The following KALRN variants were observed in gnomAD, a reference collection of about 807,000 sequenced individuals.
KALRN encodes the protein kalirin RhoGEF kinase.
A neutral mutation model predicts 353.7 loss-of-function variants in KALRN; 70 were observed. The observed-to-expected ratio is 0.20, with a 90% CI of 0.16 to 0.24. The LOEUF is 0.24. Ranked by LOEUF, KALRN falls within the 10% of genes least tolerant of loss-of-function variation. The pLI, the probability that KALRN is intolerant of heterozygous loss-of-function variation, is 1.00. For missense variants in KALRN, 2,791 were observed against 3,756.7 expected, an observed-to-expected ratio of 0.74 and a Z score of 6.72; for synonymous variants, 1,391 against 1,434.8, an observed-to-expected ratio of 0.97 and a Z score of 0.69.
At chr3:124,167,046 A>AAAT (rs752912509) in intron 1 of KALRN, among the ~76,000 whole-genome samples, 3 of 152,194 alleles carry the variant, frequency 2.0e-5, no homozygotes, top group South Asian at 2.1e-4. Flanking sequence ...CTCCATCTCA[A>AAAT]AATAATAATA....
In KALRN at chr3:124,490,886, T is replaced by G; in HGVS notation, c.4587+2T>G. 6.2e-7 allele frequency: 1 copy of G among 1,606,816 alleles called. No homozygotes were observed. The highest frequency in any genetic ancestry group is 1.1e-5 in the South Asian group (1 of 90,740). ...TATGTTTACAAGAACAAGCTACTGG[T>G]AGGTGGGGCAGGTGGGGTAAGACAA... On this transcript the variant is annotated splice_donor_variant, in intron 30 of 59. Transcript: ENST00000682506. LOFTEE classifies it high-confidence loss of function.
intron 1 of KALRN, among the ~76,000 whole-genome samples, chr3:124,122,264 T>G (rs1393257540): frequency 6.6e-6 from 1 of 152,112 alleles, no homozygotes. Flanking sequence ...GCTGTGATTG[T>G]GTCCTTCAGC....
chr3:124,335,251 A>C (rs372208657), intron 9 of KALRN, among the ~76,000 whole-genome samples: 2 of 152,084 alleles, frequency 1.3e-5, no homozygotes, highest in Non-Finnish European at 2.9e-5. Flanking sequence ...GAGTACAGGA[A>C]ACTTCAGAGG....
rs151206195 is a variant in KALRN at position 124,490,566 on chromosome 3, G to C, written c.4397-128G>C. ...TTCAGCAGTCTCTGGAGTTAGCAGAGAGAAAAAAACCCTTCAGTAACTGAA... is the reference window on the plus strand; with the variant it reads ...TTCAGCAGTCTCTGGAGTTAGCAGACAGAAAAAAACCCTTCAGTAACTGAA... On this transcript the variant is annotated intron_variant, in intron 29 of 59. Coordinates refer to ENST00000682506, the MANE Select transcript of KALRN (RefSeq NM_001388419.1). 10 of 758,744 alleles carry C rather than the reference G, an allele frequency of 1.3e-5. No homozygotes were observed. The African/African-American group carries it at 1.6e-4, about 12-fold the overall frequency. 47.0% of individuals were successfully genotyped at this position (758,744 alleles called of 1,614,324 possible). A position where few individuals can be genotyped will look rare whatever the true frequency, so the allele number is the denominator to read the frequency against.
At chr3:124,440,830 T>C (rs1032709871) in intron 18 of KALRN, among the ~76,000 whole-genome samples, 1 of 151,904 alleles carries the variant, frequency 6.6e-6, no homozygotes, top group African/African-American at 2.4e-5. Flanking sequence ...AAACCTGCTT[T>C]GTAGAGAAAT....
At position 124,490,836 on chromosome 3, in the gene KALRN, C is replaced by T. The variant is rs763289747; in HGVS notation, c.4539C>T (p.Ile1513=). Residue 1513 remains isoleucine (I), a synonymous_variant, in exon 30 of 60, where the codon ATC becomes ATT. Transcript: ENST00000682506. ...TCTCCTTGGTTTTTAGCAAGGAGAT[C>T]AAAGATTCTTCAGGACACACGAAAT... is the stretch of plus-strand genomic sequence containing the variant. ...FEISLVFSKE[I]KDSSGHTKYV... is the part of the protein sequence containing the mutation. 7.4e-6 allele frequency: 12 copies of T among 1,613,866 alleles called. No individual in the cohort carries two copies. Among genetic ancestry groups the T allele is most frequent in the Non-Finnish European group, 9.3e-6 (11 of 1,179,956 alleles).
intron 1 of KALRN, among the ~76,000 whole-genome samples, chr3:124,166,556 T>C (rs2070883171): frequency 6.6e-6 from 1 of 152,206 alleles, no homozygotes; most frequent in Non-Finnish European, 1.5e-5. Flanking sequence ...ATTATGTCTC[T>C]CCCTAACTTA....
chr3:124,450,925 CTT>C (rs1005680089), intron 21 of KALRN, among the ~76,000 whole-genome samples: 7 of 151,912 alleles, frequency 4.6e-5, no homozygotes, highest in African/African-American at 7.3e-5. Context: ...AATTTTGGTT[CTT>C]TTATGTATAA....
intron 27 of KALRN, 52 bp downstream of exon 27, chr3:124,477,386 C>A (rs745472638): frequency 2.5e-5 from 33 of 1,336,412 alleles, no homozygotes; most frequent in Non-Finnish European, 3.3e-5. Context: ...GGAAATGCTT[C>A]TCTGCTTTGG....
intron 10 of KALRN, among the ~76,000 whole-genome samples, chr3:124,368,208 C>A: frequency 7.4e-6 from 1 of 134,732 alleles, no homozygotes; most frequent in Non-Finnish European, 1.6e-5. Flanking sequence ...CCACACCTCC[C>A]TCCCGGACAG....
chr3:124,547,231 C>A (rs1411879554), intron 33 of KALRN, among the ~76,000 whole-genome samples: 2 of 152,136 alleles, frequency 1.3e-5, no homozygotes, highest in Non-Finnish European at 2.9e-5. Flanking sequence ...AACTTCTGGC[C>A]TCAAGCTATC....
In KALRN at chr3:124,235,815, A is replaced by G. The variant is rs560436284; in HGVS notation, c.263+872A>G. ...ATAAGAAATGGTTCTTTGGGCTTTC[A>G]AAACCTTCGTCTTGTCTCTGTGCAT... On this transcript the variant is annotated intron_variant, in intron 3 of 59. Transcript: ENST00000682506. 9.2e-5 allele frequency among the ~76,000 whole-genome samples: 14 copies of G among 152,350 alleles called. No homozygotes were observed. The South Asian group carries it at 2.5e-3, about 27-fold the overall frequency.
chr3:124,558,917 C>T (rs2071596456), intron 33 of KALRN, among the ~76,000 whole-genome samples: 1 of 152,246 alleles, frequency 6.6e-6, no homozygotes, highest in South Asian at 2.1e-4. Context: ...GGGAAACCAT[C>T]ACAGAATAAC....
intron 34 of KALRN, among the ~76,000 whole-genome samples, chr3:124,631,173 C>T (rs2080742578): frequency 6.6e-6 from 1 of 152,216 alleles, no homozygotes; most frequent in African/African-American, 2.4e-5. Flanking sequence ...TTCTTGTCCT[C>T]TCGTCTTCCT....
chr3:124,227,663 G>GTTTTTTTTGTT (rs2078683841), intron 1 of KALRN, among the ~76,000 whole-genome samples: 1 of 69,228 alleles, frequency 1.4e-5, no homozygotes, highest in African/African-American at 5.1e-5. Flanking sequence ...CAACAGGGCT[G>GTTTTTTTTGTT]TTTTTTTTTT....
Position 124,320,218 on chromosome 3 carries a change from G to A in KALRN, c.1093-5762G>A, listed in dbSNP as rs565216229. Among the ~76,000 whole-genome samples, 5 of 152,306 alleles carry A rather than the reference G, an allele frequency of 3.3e-5. No homozygotes were observed. The South Asian group carries it at 6.2e-4, about 19-fold the overall frequency. ...CTCCCTTGACTTTTTGATTTGGAAA[G>A]TCAAGGTCTCAAGAGCTTGTCGAGA... On this transcript the variant is annotated intron_variant, in intron 6 of 59. Coordinates refer to ENST00000682506, the MANE Select transcript of KALRN (RefSeq NM_001388419.1).
chr3:124,094,988 C>T, intron 1 of KALRN: 2 of 1,290,044 alleles, frequency 1.6e-6, no homozygotes, highest in Non-Finnish European at 2.2e-6. Context: ...CAGAAAGACA[C>T]AGCAGAGAGG....
At chr3:124,711,222 A>G (rs1348243862) in intron 57 of KALRN, among the ~76,000 whole-genome samples, 1 of 152,094 alleles carries the variant, frequency 6.6e-6, no homozygotes, top group Admixed American at 6.5e-5. Flanking sequence ...GGATCTCACT[A>G]TGTTGTCCAG....
chr3:124,578,769 A>T (rs1215131766), intron 34 of KALRN, among the ~76,000 whole-genome samples: 14 of 55,234 alleles, frequency 2.5e-4, no homozygotes, highest in African/African-American at 1.3e-3. Flanking sequence ...CTCCATTTAA[A>T]AAAAAAAAAA....
Sources: allele counts gnomAD v4.1 joint callset (sites outside exome capture counted in the v4.1 genomes callset), GRCh38; gene constraint gnomAD v4.1.1; transcripts MANE v1.5; gene names NCBI Gene and HGNC (gene_info 2026-07-23, HGNC 2026-07-21).